MAPKAP1: variants seen among roughly 807,000 people sequenced by gnomAD.
The protein encoded by MAPKAP1 is MAPK associated protein 1, also known as target of rapamycin complex 2 subunit MAPKAP1.
A neutral mutation model predicts 65.7 loss-of-function variants in MAPKAP1; 20 were observed. The observed-to-expected ratio is 0.30, with a 90% CI of 0.21 to 0.44. MAPKAP1 has a LOEUF of 0.44. Ranked by LOEUF, MAPKAP1 falls within the 20% of genes least tolerant of loss-of-function variation. MAPKAP1 has a pLI of 1.00. For missense variants in MAPKAP1, 423 were observed against 648.0 expected (o/e 0.65, Z 3.77); for synonymous variants, 222 against 244.3 (o/e 0.91, Z 0.85).
At chr9:125,661,028 TAAAGA>T (rs1434403899) in intron 3 of MAPKAP1, among the ~76,000 whole-genome samples, 2 of 151,936 alleles carry the variant, frequency 1.3e-5, no homozygotes, top group Non-Finnish European at 2.9e-5. Flanking sequence ...ATTCTAAAAG[TAAAGA>T]AGACACTGAA....
At chr9:125,499,694 A>C (rs1416065779) in intron 8 of MAPKAP1, among the ~76,000 whole-genome samples, 1 of 151,610 alleles carries the variant, frequency 6.6e-6, no homozygotes, top group Non-Finnish European at 1.5e-5. Flanking sequence ...AATATTAGAA[A>C]ACTGGGCTTA....
intron 8 of MAPKAP1, among the ~76,000 whole-genome samples, chr9:125,492,078 C>G (rs191976119): frequency 2.0e-5 from 3 of 151,118 alleles, no homozygotes; most frequent in Non-Finnish European, 4.4e-5. Flanking sequence ...GTGGTGCACA[C>G]CTGTAGTCCC....
Position 125,672,634 on chromosome 9 carries a change from G to T in MAPKAP1, c.-60C>A. The T allele has an allele frequency of 6.4e-7, 1 of 1,568,060 alleles. No individual in the cohort carries two copies. The highest frequency in any genetic ancestry group is 8.7e-7 in the Non-Finnish European group (1 of 1,146,862). On this transcript the variant is annotated 5_prime_UTR_variant, in exon 2 of 12. Transcript: ENST00000265960. Reference sequence around the variant, plus strand: ...TTCTCCTCTTCATATTGTTTCACGAGCTCACCTACCTAGAAACATGATGTA... The same window carrying T: ...TTCTCCTCTTCATATTGTTTCACGATCTCACCTACCTAGAAACATGATGTA...
At chr9:125,558,069 C>G (rs1370510316) in intron 6 of MAPKAP1, among the ~76,000 whole-genome samples, 3 of 152,116 alleles carry the variant, frequency 2.0e-5, no homozygotes, top group African/African-American at 7.2e-5. Flanking sequence ...GTTGGCCAAG[C>G]TGGTTTCGAA....
At chr9:125,675,378 A>G (rs1588062655) in intron 1 of MAPKAP1, among the ~76,000 whole-genome samples, 1 of 152,352 alleles carries the variant, frequency 6.6e-6, no homozygotes, top group South Asian at 2.1e-4. Flanking sequence ...AGTGCCCTCA[A>G]TAAAATCTAT....
intron 4 of MAPKAP1, among the ~76,000 whole-genome samples, chr9:125,607,446 T>C (rs965900123): frequency 1.3e-5 from 2 of 152,218 alleles, no homozygotes; most frequent in African/African-American, 2.4e-5. Flanking sequence ...TTATGTAATC[T>C]CAAACAACTC....
chr9:125,598,943 G>C (rs1832220296), intron 4 of MAPKAP1, among the ~76,000 whole-genome samples: 1 of 151,624 alleles, frequency 6.6e-6, no homozygotes, highest in South Asian at 2.1e-4. Flanking sequence ...GAGAGGCTGA[G>C]GCAGGAGAAT....
intron 1 of MAPKAP1, among the ~76,000 whole-genome samples, chr9:125,679,561 A>G (rs1028137311): frequency 1.4e-4 from 21 of 152,216 alleles, no homozygotes; most frequent in African/African-American, 5.1e-4. Context: ...TTGACCTGAA[A>G]TCACAGAGGA....
chr9:125,527,480 G>T (rs913184607), intron 7 of MAPKAP1, among the ~76,000 whole-genome samples: 4 of 152,054 alleles, frequency 2.6e-5, no homozygotes, highest in Non-Finnish European at 4.4e-5. Context: ...AAGTTTTTTT[G>T]TGTGTGTGAT....
At chr9:125,499,658 A>G (rs1354304527) in intron 8 of MAPKAP1, among the ~76,000 whole-genome samples, 1 of 152,196 alleles carries the variant, frequency 6.6e-6, no homozygotes, top group Non-Finnish European at 1.5e-5. Context: ...GGCTTTATTC[A>G]CCAACCCTCA....
intron 4 of MAPKAP1, among the ~76,000 whole-genome samples, chr9:125,598,175 A>G (rs959138454): frequency 2.0e-5 from 3 of 152,138 alleles, no homozygotes; most frequent in Non-Finnish European, 2.9e-5. Flanking sequence ...TACATTCAAA[A>G]TGGTAATACT....
At chr9:125,639,489 CTTG>C (rs1353243475) in intron 4 of MAPKAP1, among the ~76,000 whole-genome samples, 1 of 152,192 alleles carries the variant, frequency 6.6e-6, no homozygotes, top group Non-Finnish European at 1.5e-5. Flanking sequence ...TCAATATATG[CTTG>C]TTGTCATTAT....
chr9:125,481,946 A>G lies in MAPKAP1; in HGVS notation c.1207+2497T>C, dbSNP rs1162613579. ...AGGAGTTTGAGACCAGCCTGGCCACATGGTGAAACCCCGTCTCTACTAAAA... is the reference window on the plus strand; with the variant it reads ...AGGAGTTTGAGACCAGCCTGGCCACGTGGTGAAACCCCGTCTCTACTAAAA... On this transcript the variant is annotated intron_variant, in intron 9 of 11. Coordinates refer to ENST00000265960, the MANE Select transcript of MAPKAP1 (RefSeq NM_001006617.3). Among the ~76,000 whole-genome samples the G allele has an allele frequency of 9.2e-5, 14 of 151,678 alleles. No homozygotes were observed. The East Asian group carries it at 2.7e-3, about 30-fold the overall frequency.
chr9:125,460,770 G>A (rs565606207), intron 10 of MAPKAP1, among the ~76,000 whole-genome samples: 1 of 152,316 alleles, frequency 6.6e-6, no homozygotes, highest in African/African-American at 2.4e-5. Context: ...CTACAACTGT[G>A]AGAAGTTCTC....
At chr9:125,529,309 T>G (rs566316316) in intron 7 of MAPKAP1, among the ~76,000 whole-genome samples, 112 of 152,242 alleles carry the variant, frequency 7.4e-4, no homozygotes, top group Middle Eastern at 3.4e-3. Flanking sequence ...ATTAGAATGT[T>G]AGCTCTCTGA....
chr9:125,535,130 C>T (rs980555049), intron 7 of MAPKAP1, among the ~76,000 whole-genome samples: 17 of 152,336 alleles, frequency 1.1e-4, no homozygotes, highest in African/African-American at 4.1e-4. Context: ...GTTTCTGTAG[C>T]TTACCCTCTG....
chr9:125,488,210 G>A (rs1210353311), intron 8 of MAPKAP1, among the ~76,000 whole-genome samples: 1 of 152,144 alleles, frequency 6.6e-6, no homozygotes, highest in African/African-American at 2.4e-5. Flanking sequence ...CTGACAAGGG[G>A]CATGTCTGTG....
chr9:125,602,626 T>C (rs372968039), intron 4 of MAPKAP1, among the ~76,000 whole-genome samples: 4 of 152,182 alleles, frequency 2.6e-5, no homozygotes, highest in African/African-American at 9.7e-5. Context: ...TGCATTCGTC[T>C]GTACACAGCC....
In MAPKAP1 at chr9:125,589,029, G is replaced by C. The variant is rs373142442; in HGVS notation, c.499-3302C>G. Among the ~76,000 whole-genome samples the C allele has an allele frequency of 9.6e-4, 146 of 152,240 alleles. 4 individuals carry two copies. The South Asian group carries it at 0.029, about 30-fold the overall frequency. ...TGTATCTAGAGAGGCTCTTTTTCAT[G>C]GCTTTGCATGCGTGACTCCTCATCC... On this transcript the variant is annotated intron_variant, in intron 4 of 11. Coordinates refer to ENST00000265960, the MANE Select transcript of MAPKAP1 (RefSeq NM_001006617.3).
Sources: gnomAD v4.1 joint callset for allele counts (sites outside exome capture counted in the v4.1 genomes callset) on GRCh38, gnomAD v4.1.1 for gene constraint, MANE v1.5 for transcripts, NCBI Gene and HGNC (gene_info 2026-07-23, HGNC 2026-07-21) for gene names.